TBC1D9: variants seen among roughly 807,000 people sequenced by gnomAD.
TBC1D9 encodes the protein TBC1 domain family member 9, also known as TBC1 domain family member 9A.
A neutral mutation model predicts 132.0 loss-of-function variants in TBC1D9; 63 were observed. That is an observed-to-expected ratio of 0.48 (90% confidence interval 0.39 to 0.59). The LOEUF (loss-of-function observed/expected upper bound fraction) is 0.59. TBC1D9 is among the 20% of genes least tolerant of loss of function. TBC1D9 has a pLI of 0.00. For missense variants in TBC1D9, 1,261 were observed against 1,592.7 expected (o/e 0.79, Z 3.54); for synonymous variants, 610 against 609.9 (o/e 1.00, Z 0.00).
chr4:140,684,842 A>T (rs1204871567), intron 3 of TBC1D9, among the ~76,000 whole-genome samples: 1 of 147,182 alleles, frequency 6.8e-6, no homozygotes, highest in Non-Finnish European at 1.5e-5. Context: ...ATAAATAAAT[A>T]AATAAAGGAG....
At chr4:140,690,852 T>C (rs1341510844) in intron 2 of TBC1D9, among the ~76,000 whole-genome samples, 1 of 152,166 alleles carries the variant, frequency 6.6e-6, no homozygotes, top group Non-Finnish European at 1.5e-5. Flanking sequence ...TTGTGTATTA[T>C]TATATGAACC....
intron 1 of TBC1D9, among the ~76,000 whole-genome samples, chr4:140,707,435 C>T (rs1236123743): frequency 6.6e-6 from 1 of 152,186 alleles, no homozygotes; most frequent in Non-Finnish European, 1.5e-5. Context: ...TATATATCTT[C>T]TATACACATG....
intron 13 of TBC1D9, chr4:140,642,161 C>T: frequency 1.3e-6 from 1 of 769,278 alleles, no homozygotes. Context: ...CCATGCCACA[C>T]AGGAGGGAAG....
At chr4:140,739,327 C>T (rs1256793570) in intron 1 of TBC1D9, among the ~76,000 whole-genome samples, 1 of 152,176 alleles carries the variant, frequency 6.6e-6, no homozygotes, top group African/African-American at 2.4e-5. Context: ...GCCCAAGTTT[C>T]CTTTAGCTTT....
At chr4:140,696,455 CAAAAAAAAA>C (rs35713619) in intron 2 of TBC1D9, among the ~76,000 whole-genome samples, 38 of 61,582 alleles carry the variant, frequency 6.2e-4, no homozygotes, top group African/African-American at 2.4e-3. Flanking sequence ...GAGTCCGTCT[CAAAAAAAAA>C]AAAAAAAAAA....
Position 140,657,680 on chromosome 4 carries a change from A to G in TBC1D9, c.2054T>C (p.Val685Ala). The change falls in exon 12 of 21, where the codon GTG becomes GCG. Residue 685 changes from valine (V) to alanine (A), a missense_variant. By Grantham distance (64) the Val-to-Ala change is moderately conservative. Transcript: ENST00000442267. ...CACAACTGCACTCTCAAAAGGCATC[A>G]CACTGAGAAATAGTGTGAGGAACCA... is the stretch of plus-strand genomic sequence containing the variant. ...LSWFLTLFLS[V>A]MPFESAVVVV... is the part of the protein sequence containing the mutation. 1 of 1,614,056 alleles carries G rather than the reference A, an allele frequency of 6.2e-7. No homozygotes were observed. Among genetic ancestry groups the G allele is most frequent in the Non-Finnish European group, 8.5e-7 (1 of 1,179,906 alleles).
At position 140,693,630 on chromosome 4, in the gene TBC1D9, C is replaced by T. The variant is rs566043972; in HGVS notation, c.242-7168G>A. On this transcript the variant is annotated intron_variant, in intron 2 of 20. Coordinates refer to ENST00000442267, the MANE Select transcript of TBC1D9 (RefSeq NM_015130.3). Reference sequence around the variant, plus strand: ...CAGTTACTTTTGGAATTATCATAAGCAGCAGAACACAAAGACCTCATCTTG... The same window carrying T: ...CAGTTACTTTTGGAATTATCATAAGTAGCAGAACACAAAGACCTCATCTTG... Among the ~76,000 whole-genome samples, 13 of 152,304 alleles carry T rather than the reference C, an allele frequency of 8.5e-5. No homozygotes were observed. The East Asian group carries it at 2.5e-3, about 29-fold the overall frequency.
chr4:140,712,162 A>ATATGCCAGGTGCGGTGGCTCAGGCC (rs1553972262), intron 1 of TBC1D9: 2 of 151,914 alleles, frequency 1.3e-5, no homozygotes, highest in Admixed American at 1.3e-4. Context: ...CCATATCTAA[A>ATATGCCAGGTGCGGTGGCTCAGGCC]TGAGAGGCTC....
intron 1 of TBC1D9, among the ~76,000 whole-genome samples, chr4:140,737,296 G>T (rs1738688990): frequency 6.6e-6 from 1 of 151,956 alleles, no homozygotes; most frequent in African/African-American, 2.4e-5. Context: ...GCAGGAAGAG[G>T]GACAGCCAGG....
In TBC1D9 at chr4:140,706,298, A is replaced by G. The variant is rs1738151115; in HGVS notation, c.131-4684T>C. Among the ~76,000 whole-genome samples, 1 of 152,226 alleles carries G rather than the reference A, an allele frequency of 6.6e-6. No homozygotes were observed. Among genetic ancestry groups the G allele is most frequent in the South Asian group, 2.1e-4 (1 of 4,836 alleles). On this transcript the variant is annotated intron_variant, in intron 1 of 20. Transcript: ENST00000442267. This position sits in a 1 kb window ranked among gnomAD's most constrained non-coding sequence, Gnocchi z 4.0. Reference sequence around the variant, plus strand: ...CTGACGCTGGTCCAAAATGAAGCAGAGATCCAGGAAATCCATGGCAGAGTG... The same window carrying G: ...CTGACGCTGGTCCAAAATGAAGCAGGGATCCAGGAAATCCATGGCAGAGTG...
At position 140,677,902 on chromosome 4, in the gene TBC1D9, G is replaced by A. The variant is rs113470176; in HGVS notation, c.852-801C>T. Among the ~76,000 whole-genome samples, 5 of 152,006 alleles carry A rather than the reference G, an allele frequency of 3.3e-5. 1 individual carries two copies. The highest frequency in any genetic ancestry group is 1.2e-4 in the African/African-American group (5 of 41,496). ...CTCTACAAAATATCACTTCTTAAAT[G>A]ATCAACTTTCTTATAACTATCTCTA... is the stretch of plus-strand genomic sequence containing the variant. On this transcript the variant is annotated intron_variant, in intron 5 of 20. Coordinates refer to ENST00000442267, the MANE Select transcript of TBC1D9 (RefSeq NM_015130.3).
chr4:140,666,492 C>T (rs888779528), intron 9 of TBC1D9, among the ~76,000 whole-genome samples: 15 of 152,152 alleles, frequency 9.9e-5, no homozygotes, highest in Admixed American at 3.9e-4. Context: ...CCCGCCACCG[C>T]GCCCATCTAA....
At chr4:140,694,562 C>A (rs1310432259) in intron 2 of TBC1D9, among the ~76,000 whole-genome samples, 1 of 139,282 alleles carries the variant, frequency 7.2e-6, no homozygotes, top group Non-Finnish European at 1.5e-5. Flanking sequence ...CAGAGTAAGA[C>A]CCTGTCTCAA....
chr4:140,687,390 A>C (rs200613705), intron 2 of TBC1D9, among the ~76,000 whole-genome samples: 21,953 of 117,568 alleles, frequency 0.19, 3,209 homozygotes, highest in Non-Finnish European at 0.2. Flanking sequence ...ATATATATAT[A>C]TATATAAACA....
rs936783002 is a variant in TBC1D9, at chr4:140,643,210, G to A, written c.2338-3782C>T. 16 of 1,380,972 alleles carry A rather than the reference G, an allele frequency of 1.2e-5. No homozygotes were observed. In the South Asian group the frequency reaches 1.6e-4, roughly 14 times the overall value. The allele number at this position is 1,380,972 out of a possible 1,614,324, so 85.5% of individuals were successfully genotyped here. On this transcript the variant is annotated intron_variant, in intron 13 of 20. Coordinates refer to ENST00000442267, the MANE Select transcript of TBC1D9 (RefSeq NM_015130.3). ...AGTGAGGGCCGAGCCACCAGGGCCC[G>A]CTCCGCACCTCCCACCTTCTTGCTC...
intron 1 of TBC1D9, among the ~76,000 whole-genome samples, chr4:140,754,597 A>G (rs1738974822): frequency 7.1e-6 from 1 of 141,006 alleles, no homozygotes; most frequent in South Asian, 2.5e-4. Flanking sequence ...CCTGGGCGAC[A>G]AAGCAGGACT....
intron 7 of TBC1D9, 164 bp downstream of exon 7, chr4:140,670,556 A>G (rs1737519073): frequency 1.6e-6 from 1 of 606,994 alleles, no homozygotes; most frequent in Non-Finnish European, 2.9e-6. Context: ...TAAATCTATG[A>G]CCCCAAATAC....
At chr4:140,679,594 C>A in intron 4 of TBC1D9, 21 bp downstream of exon 4, 1 of 1,584,394 alleles carries the variant, frequency 6.3e-7, no homozygotes, top group Non-Finnish European at 8.7e-7. Context: ...AAGTTTCCTG[C>A]TGAAATTTTA....
Position 140,621,327 on chromosome 4 carries a change from C to T in TBC1D9, c.*868G>A, listed in dbSNP as rs886736825. 26 of 152,544 alleles carry T rather than the reference C, an allele frequency of 1.7e-4. No individual in the cohort carries two copies. Among genetic ancestry groups the T allele is most frequent in the African/African-American group, 5.8e-4 (24 of 41,566 alleles). 9.4% of individuals were successfully genotyped at this position (152,544 alleles called of 1,614,324 possible). On this transcript the variant is annotated 3_prime_UTR_variant, in exon 21 of 21. Transcript: ENST00000442267. The stretch of plus-strand genomic sequence containing the variant: ...TTACTTATGTTTTTGCAGTAAGAAG[C>T]TAAACATCCAGTATCAGAAGCATCA...
Sources: allele counts gnomAD v4.1 joint callset (sites outside exome capture counted in the v4.1 genomes callset), GRCh38; gene constraint gnomAD v4.1.1; non-coding constraint Gnocchi (gnomAD v3.1); transcripts MANE v1.5; gene names NCBI Gene and HGNC (gene_info 2026-07-23, HGNC 2026-07-21).